Variants in CNGA3 observed in about 807,000 individuals in gnomAD.
CNGA3 encodes the protein cyclic nucleotide gated channel subunit alpha 3.
In CNGA3, 42 loss-of-function variants were observed where a neutral mutation model predicts 46.6. The ratio of observed to expected loss-of-function variants is 0.90; its 90% CI spans 0.70 to 1.17. CNGA3 has a LOEUF of 1.17. Ranked by LOEUF, CNGA3 falls within the 50% of genes most tolerant of loss-of-function variation. CNGA3 has a pLI of 0.00. For missense variants in CNGA3, 893 were observed against 890.7 expected, an observed-to-expected ratio of 1.00 and a Z score of -0.03; for synonymous variants, 394 against 369.4, an observed-to-expected ratio of 1.07 and a Z score of -0.76.
intron 6 of CNGA3, 118 bp from the exon 7 acceptor site, chr2:98,391,746 G>A: frequency 2.2e-6 from 2 of 909,430 alleles, no homozygotes; most frequent in East Asian, 2.5e-5. Context: ...ACCGCAGGCA[G>A]GGCCATTCCC....
chr2:98,348,924 C>T (rs962615013), intron 1 of CNGA3, among the ~76,000 whole-genome samples: 2 of 152,116 alleles, frequency 1.3e-5, no homozygotes, highest in African/African-American at 4.8e-5. Flanking sequence ...GAGTGACTGA[C>T]TCCTGGTCAG....
At chr2:98,383,479 C>T in intron 5 of CNGA3, 38 bp downstream of exon 5, 5 of 1,607,880 alleles carry the variant, frequency 3.1e-6, no homozygotes, top group Non-Finnish European at 3.4e-6. Flanking sequence ...CTCCCCAAGC[C>T]CGGTGCCCTC....
chr2:98,391,473 C>A (rs796752971), intron 6 of CNGA3, among the ~76,000 whole-genome samples: 1 of 152,154 alleles, frequency 6.6e-6, no homozygotes, highest in African/African-American at 2.4e-5. Context: ...ACTGTCTGTT[C>A]CATTGTTAAT....
intron 1 of CNGA3, among the ~76,000 whole-genome samples, chr2:98,369,671 C>G (rs534390172): frequency 9.2e-5 from 14 of 152,348 alleles, no homozygotes; most frequent in Admixed American, 2.6e-4. Context: ...TTTATTTATT[C>G]ATTCACTCAT....
intron 1 of CNGA3, chr2:98,351,055 T>C (rs1691758473): frequency 6.6e-6 from 1 of 152,244 alleles, no homozygotes; most frequent in African/African-American, 2.4e-5. Flanking sequence ...CACAACAGGA[T>C]ACACCCTTGT....
At chr2:98,364,845 G>A (rs2104159168) in intron 1 of CNGA3, among the ~76,000 whole-genome samples, 1 of 152,214 alleles carries the variant, frequency 6.6e-6, no homozygotes, top group South Asian at 2.1e-4. Flanking sequence ...GTCTGAAAAG[G>A]ATTTTATTTC....
chr2:98,381,852 G>T (rs1282946424), intron 4 of CNGA3, among the ~76,000 whole-genome samples: 1 of 152,200 alleles, frequency 6.6e-6, no homozygotes, highest in African/African-American at 2.4e-5. Flanking sequence ...AGATAAGGAG[G>T]CAGGCAGATA....
chr2:98,351,972 T>C (rs55746803), intron 1 of CNGA3, among the ~76,000 whole-genome samples: 31,291 of 152,172 alleles, frequency 0.21, 3,591 homozygotes, highest in Middle Eastern at 0.3. Context: ...TTTTCAACAC[T>C]GTCAAAAGGG....
intron 7 of CNGA3, among the ~76,000 whole-genome samples, chr2:98,393,227 T>C (rs1220717884): frequency 6.6e-6 from 1 of 151,390 alleles, no homozygotes; most frequent in Non-Finnish European, 1.5e-5. Context: ...CAAGACCTTG[T>C]CTCAAAAAAA....
chr2:98,354,531 T>C (rs1691837668), intron 1 of CNGA3, among the ~76,000 whole-genome samples: 1 of 152,240 alleles, frequency 6.6e-6, no homozygotes, highest in Non-Finnish European at 1.5e-5. Context: ...TATTCTGCAA[T>C]CCCAGCACTT....
At chr2:98,369,378 G>C (rs1394086640) in intron 1 of CNGA3, among the ~76,000 whole-genome samples, 1 of 152,120 alleles carries the variant, frequency 6.6e-6, no homozygotes, top group East Asian at 1.9e-4. Context: ...TCTTTAAATG[G>C]GAATAAAAAT....
At chr2:98,380,443 C>T in intron 4 of CNGA3, 89 bp downstream of exon 4, 1 of 1,488,888 alleles carries the variant, frequency 6.7e-7, no homozygotes, top group South Asian at 1.2e-5. Flanking sequence ...TTGGATGCAG[C>T]ACAGGTGGCC....
At chr2:98,371,856 G>A (rs1488440520) in intron 2 of CNGA3, among the ~76,000 whole-genome samples, 1 of 152,208 alleles carries the variant, frequency 6.6e-6, no homozygotes, top group African/African-American at 2.4e-5. Flanking sequence ...CAGGGAGAAG[G>A]AGCCCAAGAA....
chr2:98,349,024 G>C (rs1272753110), intron 1 of CNGA3, among the ~76,000 whole-genome samples: 2 of 152,206 alleles, frequency 1.3e-5, no homozygotes, highest in Non-Finnish European at 2.9e-5. Context: ...CAGAAGCAAG[G>C]ATGTGTGGAT....
At chr2:98,384,660 G>C (rs1692614814) in intron 5 of CNGA3, among the ~76,000 whole-genome samples, 1 of 152,294 alleles carries the variant, frequency 6.6e-6, no homozygotes, top group South Asian at 2.1e-4. Context: ...AGCCAAACCT[G>C]ACACTAAACA....
intron 7 of CNGA3, among the ~76,000 whole-genome samples, chr2:98,394,399 G>A (rs1254126496): frequency 1.3e-5 from 2 of 152,134 alleles, no homozygotes; most frequent in African/African-American, 2.4e-5. Context: ...TTCCTGGAAG[G>A]TGTTTTCAAA....
chr2:98,368,017 G>A (rs527581124), intron 1 of CNGA3, among the ~76,000 whole-genome samples: 10 of 152,340 alleles, frequency 6.6e-5, no homozygotes, highest in East Asian at 3.9e-4. Context: ...AACAGGCTTC[G>A]TTTTATTTCT....
At chr2:98,368,751 T>C (rs530753452) in intron 1 of CNGA3, among the ~76,000 whole-genome samples, 1 of 152,334 alleles carries the variant, frequency 6.6e-6, no homozygotes, top group South Asian at 2.1e-4. Context: ...TCAGGGTTTT[T>C]AAGGATAATT....
intron 7 of CNGA3, among the ~76,000 whole-genome samples, chr2:98,392,303 T>C (rs1692808629): frequency 6.6e-6 from 1 of 152,208 alleles, no homozygotes; most frequent in African/African-American, 2.4e-5. Context: ...CTCACATCTG[T>C]AATCCTAGGA....
Sources: allele counts gnomAD v4.1 joint callset (sites outside exome capture counted in the v4.1 genomes callset), GRCh38; gene constraint gnomAD v4.1.1; transcripts MANE v1.5; gene names NCBI Gene and HGNC (gene_info 2026-07-23, HGNC 2026-07-21).